Variants in SCUBE2 observed in about 807,000 individuals in gnomAD.
SCUBE2 encodes the protein signal peptide, CUB domain and EGF like domain containing 2, also known as signal peptide, CUB and EGF-like domain-containing protein 2.
A neutral mutation model predicts 125.9 loss-of-function variants in SCUBE2; 114 were observed. The ratio of observed to expected loss-of-function variants is 0.91; its 90% CI spans 0.78 to 1.06. SCUBE2 has a LOEUF of 1.06. SCUBE2 is among the 50% of genes least tolerant of loss of function. SCUBE2 has a pLI of 0.00. For missense variants in SCUBE2, 1,255 were observed against 1,301.8 expected, an observed-to-expected ratio of 0.96 and a Z score of 0.55; for synonymous variants, 459 against 492.9, an observed-to-expected ratio of 0.93 and a Z score of 0.91.
Position 9,053,149 on chromosome 11 carries a change from CCA to C in SCUBE2, c.1395_1396del (p.Gly466ArgfsTer41), listed in dbSNP as rs757487464. ...ACATCTGAGGAAGCACCCGTCTCCTCCACCACTCTTACCGCAGTGCAGGGACA... is the reference window on the plus strand; with the variant it reads ...ACATCTGAGGAAGCACCCGTCTCCTCCCACTCTTACCGCAGTGCAGGGACA... On this transcript the variant is annotated frameshift_variant, in exon 12 of 23. Coordinates refer to ENST00000649792, the MANE Select transcript of SCUBE2 (RefSeq NM_001367977.2). LOFTEE classifies it high-confidence loss of function. The C allele has an allele frequency of 2.8e-5, 45 of 1,614,236 alleles. No homozygotes were observed. The African/African-American group carries it at 5.5e-4, about 20-fold the overall frequency.
chr11:9,063,451 C>A (rs1859879220), intron 7 of SCUBE2, among the ~76,000 whole-genome samples: 1 of 152,152 alleles, frequency 6.6e-6, no homozygotes, highest in Non-Finnish European at 1.5e-5. Context: ...ACAGGTTTCA[C>A]ACAAAGGATC....
At chr11:9,058,780 C>T (rs1859372353) in intron 9 of SCUBE2, among the ~76,000 whole-genome samples, 1 of 151,786 alleles carries the variant, frequency 6.6e-6, no homozygotes, top group South Asian at 2.1e-4. Context: ...CAGAGTGAGA[C>T]TCTGTCTGTA....
chr11:9,056,431 GT>G (rs1430381207), intron 9 of SCUBE2, among the ~76,000 whole-genome samples: 2 of 152,274 alleles, frequency 1.3e-5, no homozygotes, highest in Middle Eastern at 3.4e-3. Flanking sequence ...TTAATCCTAG[GT>G]TTTAATGCCC....
intron 11 of SCUBE2, 109 bp downstream of exon 11, chr11:9,053,528 G>A: frequency 1.6e-6 from 2 of 1,254,986 alleles, no homozygotes. Flanking sequence ...CAGCTGGTGG[G>A]GAAGTCAGTG....
At chr11:9,037,087 A>G (rs1479998792) in intron 16 of SCUBE2, among the ~76,000 whole-genome samples, 1 of 152,174 alleles carries the variant, frequency 6.6e-6, no homozygotes, top group Non-Finnish European at 1.5e-5. Context: ...CTAAAAGGCA[A>G]CTCTGAAATA....
chr11:9,071,121 T>C (rs527871646), intron 4 of SCUBE2, among the ~76,000 whole-genome samples: 1 of 152,310 alleles, frequency 6.6e-6, no homozygotes, highest in Admixed American at 6.5e-5. Context: ...GTTGTGTTTG[T>C]CCTTGGGTCA....
At position 9,021,155 on chromosome 11, in the gene SCUBE2, G is replaced by T. The variant is rs1156923623; in HGVS notation, c.2977C>A (p.Pro993Thr). Residue 993 changes from proline (P) to threonine (T), a missense_variant, in exon 23 of 23, where the codon CCC becomes ACC. Physicochemically the swap from Pro to Thr is conservative, Grantham distance 38. Transcript: ENST00000649792. The stretch of plus-strand genomic sequence containing the variant: ...GCTGTGTACTTGAAATAGTTCTGGG[G>T]ATGGGCCAGGACATCAAACAGAGCC... ...IKALFDVLAH[P>T]QNYFKYTAQE... is the part of the protein sequence containing the mutation. 1.2e-6 allele frequency: 2 copies of T among 1,611,822 alleles called. No individual in the cohort carries two copies. Among genetic ancestry groups the T allele is most frequent in the Middle Eastern group, 1.7e-4 (1 of 6,060 alleles).
rs571308317 is a variant in SCUBE2 at position 9,042,838 on chromosome 11, A to G, written c.2002+4518T>C. 3.9e-5 allele frequency among the ~76,000 whole-genome samples: 6 copies of G among 152,126 alleles called. No homozygotes were observed. In the East Asian group the frequency reaches 9.6e-4, roughly 24 times the overall value. ...TCCATGTCATCCCCAAATGCTGCTC[A>G]TTTTCCCTCTTAAATATTTCTCTAA... On this transcript the variant is annotated intron_variant, in intron 16 of 22. Coordinates refer to ENST00000649792, the MANE Select transcript of SCUBE2 (RefSeq NM_001367977.2).
At chr11:9,083,068 C>T (rs1861774032) in intron 2 of SCUBE2, among the ~76,000 whole-genome samples, 1 of 150,722 alleles carries the variant, frequency 6.6e-6, no homozygotes, top group Non-Finnish European at 1.5e-5. Flanking sequence ...AAGGTAAAAC[C>T]AGAAACTACA....
intron 9 of SCUBE2, 62 bp downstream of exon 9, chr11:9,059,241 T>G: frequency 6.3e-7 from 1 of 1,577,410 alleles, no homozygotes; most frequent in Non-Finnish European, 8.6e-7. Flanking sequence ...AGGAGGGTGC[T>G]ACGTTCTCTC....
rs766114074 is a variant in SCUBE2 at position 9,060,473 on chromosome 11, G to A, written c.902C>T (p.Ser301Leu). 3.7e-6 allele frequency: 6 copies of A among 1,614,084 alleles called. No homozygotes were observed. The highest frequency in any genetic ancestry group is 5.1e-6 in the Non-Finnish European group (6 of 1,179,970). The change falls in exon 8 of 23, where the codon TCG becomes TTG. Residue 301 changes from serine to leucine, a missense_variant. By Grantham distance (145) the Ser-to-Leu change is moderately radical. Transcript: ENST00000649792. The stretch of plus-strand genomic sequence containing the variant: ...AGGACAACTGCAGTGGACACCTGTC[G>A]AAGTATCCTTACAGGTGCGGTCACA... ...GGCDRTCKDT[S>L]TGVHCSCPVG...
Position 9,091,465 on chromosome 11 carries a change from GC to G in SCUBE2, c.63del (p.Leu22CysfsTer25). 2 of 1,075,030 alleles carry G rather than the reference GC, an allele frequency of 1.9e-6. No homozygotes were observed. The allele number at this position is 1,075,030 out of a possible 1,614,324, so 66.6% of individuals were successfully genotyped here. ...AAWAVLLLLL[L>X]LPPLLLLAGA... ...CCCGCCAGCAGCAGCAGTGGCGGCAGCAGCAGCAGCAGCAGCAGCACCGCCC... is the reference window on the plus strand; with the variant it reads ...CCCGCCAGCAGCAGCAGTGGCGGCAGAGCAGCAGCAGCAGCAGCACCGCCC... On this transcript the variant is annotated frameshift_variant, in exon 1 of 23. Coordinates refer to ENST00000649792, the MANE Select transcript of SCUBE2 (RefSeq NM_001367977.2). LOFTEE classifies it high-confidence loss of function. The surrounding 1 kb of genome is among the most constrained non-coding windows in gnomAD (Gnocchi z 8.5).
intron 8 of SCUBE2, chr11:9,059,660 T>G: frequency 1.9e-6 from 1 of 523,948 alleles, no homozygotes; most frequent in East Asian, 3.1e-5. Context: ...ATGATGCCCT[T>G]GATTGGCATT....
chr11:9,079,308 TGAG>T, intron 3 of SCUBE2, 73 bp downstream of exon 3: 1 of 1,570,322 alleles, frequency 6.4e-7, no homozygotes, highest in Middle Eastern at 1.7e-4. Context: ...TTTGTCTTCA[TGAG>T]GAGGTCTTCA....
chr11:9,091,350 G>A lies in SCUBE2; in HGVS notation c.133+46C>T. Reference sequence around the variant, plus strand: ...CGCCGGGGACCTAAACACTCTTCCTGGCCCTGCCTGCTGTGCCAGGTGCGC... The same window carrying A: ...CGCCGGGGACCTAAACACTCTTCCTAGCCCTGCCTGCTGTGCCAGGTGCGC... On this transcript the variant is annotated intron_variant, in intron 1 of 22. Coordinates refer to ENST00000649792, the MANE Select transcript of SCUBE2 (RefSeq NM_001367977.2). The surrounding 1 kb of genome is among the most constrained non-coding windows in gnomAD (Gnocchi z 8.5). 7.9e-7 allele frequency: 1 copy of A among 1,273,874 alleles called. No individual in the cohort carries two copies. The highest frequency in any genetic ancestry group is 9.9e-7 in the Non-Finnish European group (1 of 1,009,052). The allele number at this position is 1,273,874 out of a possible 1,614,324, so 78.9% of individuals were successfully genotyped here. A position where few individuals can be genotyped will look rare whatever the true frequency, so the allele number is the denominator to read the frequency against.
intron 10 of SCUBE2, among the ~76,000 whole-genome samples, chr11:9,054,725 A>ATATATATATATATATATATTT (rs1368153935): frequency 4.5e-5 from 1 of 22,348 alleles, no homozygotes; most frequent in African/African-American, 2.1e-4. Context: ...ATATATATAT[A>ATATATATATATATATATATTT]TTTTTTTTTT....
At chr11:9,063,255 A>C (rs1432917398) in intron 7 of SCUBE2, among the ~76,000 whole-genome samples, 1 of 144,772 alleles carries the variant, frequency 6.9e-6, no homozygotes, top group Admixed American at 6.7e-5. Flanking sequence ...CAAAAAAAAG[A>C]AAGAAAAAGA....
chr11:9,059,497 A>G, intron 8 of SCUBE2, 72 bp from the exon 9 acceptor site: 2 of 1,537,458 alleles, frequency 1.3e-6, no homozygotes, highest in Non-Finnish European at 8.9e-7. Flanking sequence ...CTGAAGGGCC[A>G]TTGTGTGTGT....
chr11:9,087,792 G>C (rs1862236966), intron 2 of SCUBE2, among the ~76,000 whole-genome samples: 3 of 152,186 alleles, frequency 2.0e-5, no homozygotes, highest in African/African-American at 4.8e-5. Flanking sequence ...TCATTGTAAA[G>C]ATCCCATTTC....
Sources: gnomAD v4.1 joint callset for allele counts (sites outside exome capture counted in the v4.1 genomes callset) on GRCh38, gnomAD v4.1.1 for gene constraint, Gnocchi (gnomAD v3.1) non-coding constraint, MANE v1.5 for transcripts, NCBI Gene and HGNC (gene_info 2026-07-23, HGNC 2026-07-21) for gene names.